GFPT1: variants seen among roughly 807,000 people sequenced by gnomAD.
The protein encoded by GFPT1 is glutamine--fructose-6-phosphate aminotransferase [isomerizing] 1.
A neutral mutation model predicts 92.0 loss-of-function variants in GFPT1; 40 were observed. That is an observed-to-expected ratio of 0.43 (90% confidence interval 0.34 to 0.57). GFPT1 has a LOEUF of 0.57. GFPT1 is among the 20% of genes least tolerant of loss of function. GFPT1 has a pLI of 0.02. For synonymous variants in GFPT1, 269 were observed against 280.6 expected (o/e 0.96, Z 0.41); for missense variants, 448 against 869.1 (o/e 0.52, Z 6.09).
chr2:69,384,992 A>G (rs979337114), intron 1 of GFPT1, among the ~76,000 whole-genome samples: 3 of 152,188 alleles, frequency 2.0e-5, no homozygotes, highest in African/African-American at 7.2e-5. Flanking sequence ...TAGAGAGAAA[A>G]TAAATTCTGA....
chr2:69,326,292 G>C, intron 19 of GFPT1, 59 bp from the exon 20 acceptor site: 1 of 1,112,586 alleles, frequency 9.0e-7, no homozygotes, highest in South Asian at 1.3e-5. Flanking sequence ...TGGGGAAGGG[G>C]GTGGTTACTA....
chr2:69,375,497 CAAAT>C (rs766385721), intron 1 of GFPT1, among the ~76,000 whole-genome samples: 7 of 152,106 alleles, frequency 4.6e-5, no homozygotes, highest in African/African-American at 1.4e-4. Flanking sequence ...GCAATTTTCT[CAAAT>C]AAATTATTAT....
At position 69,322,380 on chromosome 2, in the gene GFPT1, C is replaced by T. The variant is rs926682919; in HGVS notation, c.*3809G>A. 1 of 151,740 alleles carries T rather than the reference C, an allele frequency of 6.6e-6. No homozygotes were observed. Among genetic ancestry groups the T allele is most frequent in the South Asian group, 2.1e-4 (1 of 4,814 alleles). 9.4% of individuals were successfully genotyped at this position (151,740 alleles called of 1,614,324 possible). ...AGTTCTTTTATTGCTATGGTATATG[C>T]TAATTTTTTTAAAAGGGGAAAAAAA... On this transcript the variant is annotated 3_prime_UTR_variant, in exon 20 of 20. Coordinates refer to ENST00000357308, the MANE Select transcript of GFPT1 (RefSeq NM_001244710.2).
chr2:69,351,157 T>TA (rs1671197550), intron 9 of GFPT1, among the ~76,000 whole-genome samples: 1 of 152,204 alleles, frequency 6.6e-6, no homozygotes, highest in South Asian at 2.1e-4. Context: ...TGGGTTTTCT[T>TA]ACTCTTCCTT....
rs185446593 is a variant in GFPT1, at chr2:69,321,426, G to A, written c.*4763C>T. 3.5e-4 allele frequency: 53 copies of A among 152,300 alleles called. No individual in the cohort carries two copies. Among genetic ancestry groups the A allele is most frequent in the Admixed American group, 2.2e-3 (33 of 15,304 alleles). The allele number at this position is 152,300 out of a possible 1,614,324, so 9.4% of individuals were successfully genotyped here. On this transcript the variant is annotated 3_prime_UTR_variant, in exon 20 of 20. Coordinates refer to ENST00000357308, the MANE Select transcript of GFPT1 (RefSeq NM_001244710.2). ...ATCAGAAATGTTTACAACTAAAGTA[G>A]ACATTGATTACATTCTTAGTACAAT...
At chr2:69,386,850 TTCCTCTCAGGTGCCTTTC>T (rs1317307984) in intron 1 of GFPT1, among the ~76,000 whole-genome samples, 197 bp downstream of exon 1, 33 of 152,144 alleles carry the variant, frequency 2.2e-4, no homozygotes, top group Non-Finnish European at 4.3e-4. Flanking sequence ...GGGGCCCGCC[TTCCTCTCAGGTGCCTTTC>T]TCCCGGCCGC....
chr2:69,362,798 A>C (rs1283301207), intron 4 of GFPT1, among the ~76,000 whole-genome samples: 2 of 152,174 alleles, frequency 1.3e-5, no homozygotes, highest in Non-Finnish European at 2.9e-5. Flanking sequence ...CTTGGTCTCA[A>C]AAAATAATAA....
At chr2:69,347,728 C>T (rs1033105239) in intron 11 of GFPT1, among the ~76,000 whole-genome samples, 6 of 152,056 alleles carry the variant, frequency 3.9e-5, no homozygotes, top group Non-Finnish European at 7.4e-5. Context: ...GGTGATCTGC[C>T]CACCTCGGCC....
intron 1 of GFPT1, among the ~76,000 whole-genome samples, chr2:69,382,055 G>A (rs1672025548): frequency 6.6e-6 from 1 of 151,784 alleles, no homozygotes. Flanking sequence ...GTAGAGATGG[G>A]GCTTCGCTAT....
At chr2:69,374,559 C>T (rs1029466074) in intron 1 of GFPT1, among the ~76,000 whole-genome samples, 4 of 152,154 alleles carry the variant, frequency 2.6e-5, no homozygotes, top group Admixed American at 2.0e-4. Flanking sequence ...GTGATCTGCC[C>T]GCCTCGGCCT....
chr2:69,332,318 T>C (rs183555473), intron 15 of GFPT1, among the ~76,000 whole-genome samples: 1,651 of 149,892 alleles, frequency 0.011, 25 homozygotes, highest in African/African-American at 0.038. Context: ...CTTTTCTTTT[T>C]TTTTTTTTTT....
At chr2:69,378,207 T>C (rs758480231) in intron 1 of GFPT1, among the ~76,000 whole-genome samples, 1 of 152,196 alleles carries the variant, frequency 6.6e-6, no homozygotes, top group Non-Finnish European at 1.5e-5. Context: ...GGTTTCGCCA[T>C]GTTGGCTAGG....
chr2:69,365,880 T>C (rs1314677007), intron 3 of GFPT1, among the ~76,000 whole-genome samples: 1 of 152,140 alleles, frequency 6.6e-6, no homozygotes, highest in Non-Finnish European at 1.5e-5. Flanking sequence ...TGGCGCAATC[T>C]TGGCTCACTG....
intron 5 of GFPT1, 46 bp from the exon 6 acceptor site, chr2:69,358,509 G>C (rs753940278): frequency 4.4e-6 from 6 of 1,348,700 alleles, no homozygotes; most frequent in Non-Finnish European, 6.2e-6. Context: ...AAATATTAAT[G>C]ATAAAAAAAC....
chr2:69,387,031 C>G (rs927737781), intron 1 of GFPT1, 34 bp downstream of exon 1: 7 of 1,498,926 alleles, frequency 4.7e-6, no homozygotes, highest in Non-Finnish European at 6.3e-6. Flanking sequence ...CCAGCGCCAC[C>G]CGGCAACACG....
intron 15 of GFPT1, among the ~76,000 whole-genome samples, chr2:69,336,811 C>A (rs1293819862): frequency 6.6e-6 from 1 of 151,872 alleles, no homozygotes; most frequent in Non-Finnish European, 1.5e-5. Flanking sequence ...AACAACCAAA[C>A]AAACCTAAAA....
At chr2:69,328,193 G>T in intron 18 of GFPT1, 78 bp downstream of exon 18, 2 of 1,087,914 alleles carry the variant, frequency 1.8e-6, no homozygotes. Context: ...GTGTAAACAT[G>T]TTTTGTAAGT....
In GFPT1 at chr2:69,329,221, T is replaced by C. The variant is rs1670602197; in HGVS notation, c.1725+76A>G. The C allele has an allele frequency of 2.9e-5, 41 of 1,394,544 alleles. No homozygotes were observed. In the South Asian group the frequency reaches 4.8e-4, roughly 16 times the overall value. The allele number at this position is 1,394,544 out of a possible 1,614,324, so 86.4% of individuals were successfully genotyped here. A position where few individuals can be genotyped will look rare whatever the true frequency, so the allele number is the denominator to read the frequency against. On this transcript the variant is annotated intron_variant, in intron 17 of 19. Transcript: ENST00000357308. ...TCAAAAGTTCTACCTATTTCATTCA[T>C]TTAATGTAAAAGTATGACTATGTGT...
At chr2:69,350,459 A>C (rs1671178322) in intron 9 of GFPT1, among the ~76,000 whole-genome samples, 1 of 152,190 alleles carries the variant, frequency 6.6e-6, no homozygotes, top group African/African-American at 2.4e-5. Context: ...TTCCAGGTAA[A>C]AGACAAGTAA....
Sources: allele counts gnomAD v4.1 joint callset (sites outside exome capture counted in the v4.1 genomes callset), GRCh38; gene constraint gnomAD v4.1.1; transcripts MANE v1.5; gene names NCBI Gene and HGNC (gene_info 2026-07-23, HGNC 2026-07-21).